Variants in JAZF1 observed in about 807,000 individuals in gnomAD.
JAZF1 encodes the protein JAZF zinc finger 1, also known as juxtaposed with another zinc finger protein 1.
Under a neutral mutation model 26.4 loss-of-function variants are expected in JAZF1, and 8 were observed. That is an observed-to-expected ratio of 0.30 (90% CI 0.18 to 0.55). The LOEUF is 0.55. Ranked by LOEUF, JAZF1 falls within the 20% of genes least tolerant of loss-of-function variation. The probability of loss-of-function intolerance (pLI) is 0.94; values close to 1 mark genes in which losing one functional copy is unlikely to be tolerated. For missense variants in JAZF1, 199 were observed against 322.0 expected (o/e 0.62, Z 2.92); for synonymous variants, 126 against 122.3 (o/e 1.03, Z -0.20).
chr7:28,078,466 A>C (rs1368403712), intron 1 of JAZF1, among the ~76,000 whole-genome samples: 2 of 152,170 alleles, frequency 1.3e-5, no homozygotes, highest in Non-Finnish European at 2.9e-5. Context: ...AATCACCTAC[A>C]CTGCCCTCTT....
At chr7:28,076,765 A>C (rs1208246594) in intron 1 of JAZF1, among the ~76,000 whole-genome samples, 1 of 151,938 alleles carries the variant, frequency 6.6e-6, no homozygotes, top group Admixed American at 6.6e-5. Context: ...ATAATTCCTT[A>C]CAGATGTTTC....
chr7:28,112,108 C>T (rs371386041), intron 1 of JAZF1, among the ~76,000 whole-genome samples: 4 of 152,170 alleles, frequency 2.6e-5, no homozygotes, highest in South Asian at 2.1e-4. Flanking sequence ...GAGGTGTCTT[C>T]GCCTCTCCCC....
chr7:27,858,896 A>C (rs1446325388), intron 3 of JAZF1, among the ~76,000 whole-genome samples: 1 of 152,228 alleles, frequency 6.6e-6, no homozygotes, highest in African/African-American at 2.4e-5. Flanking sequence ...TAATTAAACT[A>C]AAGAGCTTTG....
rs150112834 is a variant in JAZF1 at position 28,103,227 on chromosome 7, A to AT, written c.115+77235dup. 1.5e-3 allele frequency among the ~76,000 whole-genome samples: 224 copies of AT among 151,992 alleles called. 2 individuals are homozygous for AT. The highest frequency in any genetic ancestry group is 5.3e-3 in the African/African-American group (218 of 41,434). ...TTGTTTTAATGCCCACCATTCCCAA[A>AT]TGCCTATCTTCAGTCCTGACCTCTC... On this transcript the variant is annotated intron_variant, in intron 1 of 4. Coordinates refer to ENST00000283928, the MANE Select transcript of JAZF1 (RefSeq NM_175061.4).
At chr7:28,176,475 T>C (rs1159000133) in intron 1 of JAZF1, among the ~76,000 whole-genome samples, 6 of 152,158 alleles carry the variant, frequency 3.9e-5, no homozygotes, top group African/African-American at 1.4e-4. Context: ...ACCAATCTAT[T>C]TAAAATTCTC....
At chr7:27,852,275 A>T (rs530928888) in intron 3 of JAZF1, among the ~76,000 whole-genome samples, 64 of 151,804 alleles carry the variant, frequency 4.2e-4, no homozygotes, top group African/African-American at 1.5e-3. Context: ...GGGATTACAG[A>T]CGTGCGCCCC....
intron 2 of JAZF1, among the ~76,000 whole-genome samples, chr7:27,963,567 C>A (rs1294758874): frequency 9.4e-6 from 1 of 106,248 alleles, no homozygotes; most frequent in Non-Finnish European, 1.8e-5. Context: ...TTCCCCCCCC[C>A]CCTTTTTTTT....
At chr7:28,156,207 G>A (rs1783183105) in intron 1 of JAZF1, among the ~76,000 whole-genome samples, 1 of 152,176 alleles carries the variant, frequency 6.6e-6, no homozygotes, top group Admixed American at 6.5e-5. Flanking sequence ...CTTTGGACAG[G>A]CATCAAGCGT....
chr7:27,975,206 C>T (rs550616531), intron 2 of JAZF1, among the ~76,000 whole-genome samples: 4 of 151,772 alleles, frequency 2.6e-5, no homozygotes, highest in Admixed American at 6.6e-5. Context: ...ATTCAAGGGT[C>T]GAGGCAAAGT....
chr7:27,991,823 T>C, intron 2 of JAZF1, 86 bp downstream of exon 2: 1 of 767,112 alleles, frequency 1.3e-6, no homozygotes, highest in Non-Finnish European at 2.2e-6. Context: ...TGAAAACATT[T>C]TTCCACTCTG....
chr7:27,886,254 T>A (rs1258842167), intron 3 of JAZF1, among the ~76,000 whole-genome samples: 1 of 152,156 alleles, frequency 6.6e-6, no homozygotes, highest in South Asian at 2.1e-4. Flanking sequence ...AGTCCATCTG[T>A]CTCTCAAGCA....
intron 1 of JAZF1, among the ~76,000 whole-genome samples, chr7:28,032,796 T>C (rs985301962): frequency 3.9e-5 from 6 of 152,106 alleles, no homozygotes; most frequent in Non-Finnish European, 7.4e-5. Context: ...ACCAGGCCAG[T>C]GTCATTACCA....
chr7:27,833,730 T>C (rs1022426846), intron 4 of JAZF1, among the ~76,000 whole-genome samples: 1 of 152,214 alleles, frequency 6.6e-6, no homozygotes, highest in Admixed American at 6.5e-5. Context: ...ACTAAAGTTA[T>C]CAAAATGCTT....
chr7:28,146,315 A>AT (rs779144475), intron 1 of JAZF1, among the ~76,000 whole-genome samples: 1 of 152,248 alleles, frequency 6.6e-6, no homozygotes, highest in Non-Finnish European at 1.5e-5. Context: ...CCATTGATCG[A>AT]TTGATCAGTA....
chr7:28,054,483 C>G (rs1220997669), intron 1 of JAZF1, among the ~76,000 whole-genome samples: 2 of 152,096 alleles, frequency 1.3e-5, no homozygotes, highest in African/African-American at 4.8e-5. Context: ...GCAAAAAACA[C>G]TGACCCTAGG....
Position 28,158,186 on chromosome 7 carries a change from C to CACAG in JAZF1, c.115+22276_115+22277insCTGT, listed in dbSNP as rs149643430. On this transcript the variant is annotated intron_variant, in intron 1 of 4. Coordinates refer to ENST00000283928, the MANE Select transcript of JAZF1 (RefSeq NM_175061.4). ...ACACACAAACACACACACACACACACAGAGAGAGAGAGAGAGAGGGAGAGA... is the reference window on the plus strand; with the variant it reads ...ACACACAAACACACACACACACACACACAGAGAGAGAGAGAGAGAGAGGGAGAGA... Among the ~76,000 whole-genome samples, 1,330 of 143,358 alleles carry CACAG rather than the reference C, an allele frequency of 9.3e-3. 24 individuals are homozygous for CACAG. Among genetic ancestry groups the CACAG allele is most frequent in the African/African-American group, 0.031 (1,180 of 38,088 alleles). 94.0% of individuals were successfully genotyped at this position (143,358 alleles called of 152,430 possible). A position where few individuals can be genotyped will look rare whatever the true frequency, so the allele number is the denominator to read the frequency against.
At chr7:27,880,899 C>T (rs915121564) in intron 3 of JAZF1, among the ~76,000 whole-genome samples, 5 of 152,206 alleles carry the variant, frequency 3.3e-5, no homozygotes, top group African/African-American at 1.2e-4. Flanking sequence ...AACTCCTGGG[C>T]TCAAGTGCCT....
chr7:28,069,462 C>T (rs1221754766), intron 1 of JAZF1, among the ~76,000 whole-genome samples: 3 of 152,204 alleles, frequency 2.0e-5, no homozygotes, highest in Admixed American at 6.5e-5. Context: ...ACTGCCTCAA[C>T]TTCCTTCAGC....
Position 27,832,642 on chromosome 7 carries a change from C to A in JAZF1, c.*158G>T. 1 of 540,804 alleles carries A rather than the reference C, an allele frequency of 1.8e-6. No homozygotes were observed. The allele number at this position is 540,804 out of a possible 1,614,324, so 33.5% of individuals were successfully genotyped here. On this transcript the variant is annotated 3_prime_UTR_variant, in exon 5 of 5. Transcript: ENST00000283928. The stretch of plus-strand genomic sequence containing the variant: ...CAAATGTACAAAATCATTAACTCTA[C>A]AAAGATACATCATTCCAAAATTACA...
Sources: allele counts gnomAD v4.1 joint callset (sites outside exome capture counted in the v4.1 genomes callset), GRCh38; gene constraint gnomAD v4.1.1; transcripts MANE v1.5; gene names NCBI Gene and HGNC (gene_info 2026-07-23, HGNC 2026-07-21).